The following HEMK2 variants were observed in gnomAD, a reference collection of about 807,000 sequenced individuals.
The protein encoded by HEMK2 is methyltransferase HEMK2.
the HEMK2 span, among the ~76,000 whole-genome samples, chr21:28,666,483 T>G: frequency 2.0e-5 from 3 of 152,234 alleles, no homozygotes; most frequent in Admixed American, 2.0e-4. Context: ...AATGTGGTCT[T>G]CTTCAGTTTG....
the HEMK2 span, among the ~76,000 whole-genome samples, chr21:28,834,140 G>A: frequency 6.6e-6 from 1 of 152,132 alleles, no homozygotes; most frequent in East Asian, 1.9e-4. Context: ...CCCTAGACTC[G>A]CTCAATCATG....
the HEMK2 span, among the ~76,000 whole-genome samples, chr21:28,583,311 A>G: frequency 5.9e-5 from 9 of 152,306 alleles, no homozygotes; most frequent in African/African-American, 1.9e-4. Context: ...GTTTCTTCCA[A>G]TAGATGGTGT....
chr21:28,834,964 C>T, the HEMK2 span, among the ~76,000 whole-genome samples: 1 of 152,084 alleles, frequency 6.6e-6, no homozygotes, highest in Non-Finnish European at 1.5e-5. Context: ...AATCTCACCC[C>T]CATCCCCCAC....
the HEMK2 span, among the ~76,000 whole-genome samples, chr21:28,611,288 T>C: frequency 1.8e-3 from 267 of 152,300 alleles, 1 homozygote; most frequent in African/African-American, 5.8e-3. Context: ...AAATAACTTG[T>C]TCCTGAATGA....
chr21:28,785,863 T>C, the HEMK2 span, among the ~76,000 whole-genome samples: 45,690 of 152,114 alleles, frequency 0.3, 6,994 homozygotes, highest in East Asian at 0.41. Flanking sequence ...TAGCATATTT[T>C]AGTCCTTCTA....
chr21:28,794,217 T>C, the HEMK2 span, among the ~76,000 whole-genome samples: 2 of 152,194 alleles, frequency 1.3e-5, no homozygotes, highest in Admixed American at 1.3e-4. Flanking sequence ...ACAGCATAAA[T>C]ACTTCACTGT....
the HEMK2 span, among the ~76,000 whole-genome samples, chr21:28,579,981 TG>T: frequency 6.6e-6 from 1 of 152,206 alleles, no homozygotes; most frequent in Non-Finnish European, 1.5e-5. Context: ...AGAGAGGCAG[TG>T]AGTTTTCTGG....
chr21:28,672,571 G>C, the HEMK2 span, among the ~76,000 whole-genome samples: 1 of 152,196 alleles, frequency 6.6e-6, no homozygotes, highest in East Asian at 1.9e-4. Context: ...TAATAGAGAA[G>C]AAAGCGGGCT....
At chr21:28,879,856 G>T in the HEMK2 span, 2 of 1,522,892 alleles carry the variant, frequency 1.3e-6, no homozygotes, top group East Asian at 4.6e-5. Flanking sequence ...ATTAAATTTT[G>T]TTGTATGTTT....
the HEMK2 span, among the ~76,000 whole-genome samples, chr21:28,696,838 C>A: frequency 1.1e-4 from 17 of 152,306 alleles, no homozygotes; most frequent in East Asian, 2.9e-3. Context: ...ACCTGCAGGC[C>A]CAACATCATG....
At chr21:28,840,374 T>C in the HEMK2 span, among the ~76,000 whole-genome samples, 1 of 152,128 alleles carries the variant, frequency 6.6e-6, no homozygotes, top group Admixed American at 6.5e-5. Context: ...TGGGACCTAA[T>C]TAAACTAAAG....
the HEMK2 span, among the ~76,000 whole-genome samples, chr21:28,841,665 G>A: frequency 8.7e-3 from 1,301 of 150,104 alleles, 18 homozygotes; most frequent in African/African-American, 0.029. Flanking sequence ...AGGGAGTTGC[G>A]GGGAAGAGTG....
chr21:28,762,741 C>T, the HEMK2 span, among the ~76,000 whole-genome samples: 1 of 152,060 alleles, frequency 6.6e-6, no homozygotes, highest in Non-Finnish European at 1.5e-5. Flanking sequence ...TCATCTTTCC[C>T]CTTCTACCAT....
At chr21:28,647,818 G>A in the HEMK2 span, among the ~76,000 whole-genome samples, 1 of 152,182 alleles carries the variant, frequency 6.6e-6, no homozygotes, top group African/African-American at 2.4e-5. Flanking sequence ...ACTCAGGCTT[G>A]GGATGCACTG....
At chr21:28,720,655 C>T in the HEMK2 span, among the ~76,000 whole-genome samples, 116 of 152,254 alleles carry the variant, frequency 7.6e-4, no homozygotes, top group Middle Eastern at 0.014. Context: ...ACTGCTTGAA[C>T]CTGGGAGGTG....
the HEMK2 span, among the ~76,000 whole-genome samples, chr21:28,661,684 A>G: frequency 3.3e-5 from 5 of 152,050 alleles, no homozygotes; most frequent in Non-Finnish European, 7.4e-5. Context: ...AGAACTCTTC[A>G]TTCCTCTAGC....
the HEMK2 span, among the ~76,000 whole-genome samples, chr21:28,612,489 A>G: frequency 6.6e-6 from 1 of 152,324 alleles, no homozygotes; most frequent in Middle Eastern, 3.4e-3. Flanking sequence ...CTGAATGGGA[A>G]AAAGTTGAAA....
chr21:28,793,751 G>T, the HEMK2 span, among the ~76,000 whole-genome samples: 2 of 152,098 alleles, frequency 1.3e-5, no homozygotes. Flanking sequence ...ATCCAGGTGG[G>T]CCCTAAATCT....
chr21:28,645,633 G>A, the HEMK2 span, among the ~76,000 whole-genome samples: 3 of 152,006 alleles, frequency 2.0e-5, no homozygotes, highest in South Asian at 2.1e-4. Context: ...AAATTCATAT[G>A]TGGAAACTTT....
Sources: allele counts gnomAD v4.1 joint callset (sites outside exome capture counted in the v4.1 genomes callset), GRCh38; gene constraint gnomAD v4.1.1; transcripts MANE v1.5; gene names NCBI Gene and HGNC (gene_info 2026-07-23, HGNC 2026-07-21).